FAT1: variants seen among roughly 807,000 people sequenced by gnomAD.
FAT1 encodes the protein FAT atypical cadherin 1.
Under a neutral mutation model 329.8 loss-of-function variants are expected in FAT1, and 171 were observed. The ratio of observed to expected loss-of-function variants is 0.52; its 90% CI spans 0.46 to 0.59. FAT1 has a LOEUF of 0.59. Among genes scored for constraint, FAT1 ranks in the 20% least tolerant of loss-of-function variants. The pLI is 0.00. For missense variants in FAT1, 5,672 were observed against 5,774.4 expected (o/e 0.98, Z 0.57); for synonymous variants, 2,233 against 2,228.6 (o/e 1.00, Z -0.06).
At chr4:186,713,025 T>C (rs1745040199) in intron 1 of FAT1, among the ~76,000 whole-genome samples, 1 of 151,898 alleles carries the variant, frequency 6.6e-6, no homozygotes, top group Non-Finnish European at 1.5e-5. Flanking sequence ...GCTTTTAGAC[T>C]TACAGAAAAG....
chr4:186,696,932 G>A (rs1744066348), intron 2 of FAT1, among the ~76,000 whole-genome samples: 1 of 152,170 alleles, frequency 6.6e-6, no homozygotes, highest in Non-Finnish European at 1.5e-5. Flanking sequence ...GCTGAGGCAG[G>A]AGAATCACTT....
chr4:186,649,560 A>G (rs1307971262), intron 3 of FAT1, among the ~76,000 whole-genome samples: 1 of 152,150 alleles, frequency 6.6e-6, no homozygotes, highest in African/African-American at 2.4e-5. Flanking sequence ...TGAGTCAGAG[A>G]CCCAGGGAAG....
Position 186,613,251 on chromosome 4 carries a change from G to A in FAT1, c.9321C>T (p.Cys3107=), listed in dbSNP as rs545693220. The part of the protein sequence containing the change: ...VRATDGGGRF[C]QASIVLTLED... ...CTAGCGTGAGCACAATACTGGCTTG[G>A]CAGAATCTTCCTCCTCCATCTGTGG... Residue 3107 remains cysteine, a synonymous_variant, in exon 13 of 27, where the codon TGC becomes TGT. Transcript: ENST00000441802. 3.4e-5 allele frequency: 55 copies of A among 1,613,780 alleles called. No homozygotes were observed. In the South Asian group the frequency reaches 5.8e-4, roughly 17 times the overall value.
chr4:186,613,534 G>A (rs932745832), intron 12 of FAT1, among the ~76,000 whole-genome samples, 192 bp from the exon 13 acceptor site: 2 of 152,180 alleles, frequency 1.3e-5, no homozygotes, highest in African/African-American at 4.8e-5. Flanking sequence ...ACCCTGCCAG[G>A]GGCTAGCTCT....
intron 20 of FAT1, among the ~76,000 whole-genome samples, chr4:186,602,356 C>A (rs1280105): frequency 2.2e-4 from 34 of 151,844 alleles, no homozygotes; most frequent in Non-Finnish European, 3.8e-4. Context: ...ATCTATACAC[C>A]GTATAGAAAT....
At chr4:186,652,225 G>A (rs1440493306) in intron 3 of FAT1, among the ~76,000 whole-genome samples, 1 of 152,178 alleles carries the variant, frequency 6.6e-6, no homozygotes, top group African/African-American at 2.4e-5. Context: ...ATTGCCTTCA[G>A]TGATCCTATA....
chr4:186,647,775 G>A (rs542216051), intron 3 of FAT1, among the ~76,000 whole-genome samples: 2 of 152,206 alleles, frequency 1.3e-5, no homozygotes, highest in East Asian at 3.9e-4. Context: ...TATTTTTGGT[G>A]GTAAAGGAAG....
rs1740808262 is a variant in FAT1, at chr4:186,636,195, G to A, written c.4013C>T (p.Thr1338Ile). 1 of 1,614,012 alleles carries A rather than the reference G, an allele frequency of 6.2e-7. No individual in the cohort carries two copies. Residue 1338 changes from threonine to isoleucine, a missense_variant, in exon 6 of 27, where the codon ACC becomes ATC. By Grantham distance (89) the Thr-to-Ile change is moderately conservative. Coordinates refer to ENST00000441802, the MANE Select transcript of FAT1 (RefSeq NM_005245.4). Reference sequence around the variant, plus strand: ...GATCCATTCAATATGGAGTCTGGTGGTTGATGACTTTTGAGGGCGACCATT... The same window carrying A: ...GATCCATTCAATATGGAGTCTGGTGATTGATGACTTTTGAGGGCGACCATT... ...VDNGRPQKSS[T>I]TRLHIEWISK...
chr4:186,700,935 G>A (rs1744277173), intron 2 of FAT1, among the ~76,000 whole-genome samples: 1 of 152,154 alleles, frequency 6.6e-6, no homozygotes, highest in Non-Finnish European at 1.5e-5. Flanking sequence ...GACGTAAGCT[G>A]TTTCCACCCC....
At chr4:186,597,321 G>A (rs1738580617) in intron 24 of FAT1, 150 bp from the exon 25 acceptor site, 7 of 820,846 alleles carry the variant, frequency 8.5e-6, no homozygotes, top group Non-Finnish European at 1.1e-5. Context: ...ATGTAACGTC[G>A]ACAACCACGA....
Position 186,709,751 on chromosome 4 carries a change from C to T in FAT1, c.77G>A (p.Arg26Gln), listed in dbSNP as rs75367100. ...AAACTGCAGAGGAGTCTGTTCAAGT[C>T]GTTGGCTGCCATCACTGTCTCCAAA... ...QHFGDSDGSQ[R>Q]LEQTPLQFTH... Residue 26 changes from arginine to glutamine, a missense_variant, in exon 2 of 27, where the codon CGA (arginine) becomes CAA (glutamine). Physicochemically the swap from Arg to Gln is conservative, Grantham distance 43. This residue lies in a region of FAT1 where 3,966 missense variants were observed against 3,915.2 expected (regional missense o/e 1.01). Coordinates refer to ENST00000441802, the MANE Select transcript of FAT1 (RefSeq NM_005245.4). 16,164 of 1,613,312 alleles carry T rather than the reference C, an allele frequency of 0.01. 531 individuals are homozygous for T. Among genetic ancestry groups the T allele is most frequent in the East Asian group, 0.089 (3,998 of 44,860 alleles).
Position 186,628,766 on chromosome 4 carries a change from G to T in FAT1, c.4324-3C>A, listed in dbSNP as rs1173282469. On this transcript the variant is annotated splice_region_variant and splice_polypyrimidine_tract_variant and intron_variant, in intron 7 of 26. Coordinates refer to ENST00000441802, the MANE Select transcript of FAT1 (RefSeq NM_005245.4). ...GTGTCTATTACTTTGATGAATACCTGTAATGGATGACAAAATGACTCATAC... is the reference window on the plus strand; with the variant it reads ...GTGTCTATTACTTTGATGAATACCTTTAATGGATGACAAAATGACTCATAC... The T allele has an allele frequency of 1.9e-6, 3 of 1,609,694 alleles. No individual in the cohort carries two copies. The South Asian group carries it at 3.3e-5, about 18-fold the overall frequency.
chr4:186,658,753 A>C lies in FAT1; in HGVS notation c.3580+4546T>G, dbSNP rs141116179. Among the ~76,000 whole-genome samples the C allele has an allele frequency of 4.8e-4, 73 of 152,160 alleles. No individual in the cohort carries two copies. The East Asian group carries it at 0.013, about 27-fold the overall frequency. On this transcript the variant is annotated intron_variant, in intron 3 of 26. Transcript: ENST00000441802. ...TCAATCTATTGTTACCATCTTCACA[A>C]TCAGCCCAGTACCCGTTCCAAGGGG...
rs1166577710 is a variant in FAT1, at chr4:186,588,639, C to A, written c.13720G>T (p.Glu4574Ter). Residue 4574 changes from glutamate to a stop codon, truncating the protein, a stop_gained, in exon 27 of 27, where the codon GAG becomes TAG. Transcript: ENST00000441802. LOFTEE classifies it high-confidence loss of function. ...YESGDDGHFE[E>*]VTIPPLDSQQ... ...GAATCCAGGGGCGGGATCGTCACCT[C>A]TTCGAAGTGGCCGTCGTCCCCGCTC... 6.2e-7 allele frequency: 1 copy of A among 1,613,866 alleles called. No homozygotes were observed.
intron 2 of FAT1, among the ~76,000 whole-genome samples, chr4:186,681,697 T>G (rs1743213842): frequency 6.6e-6 from 1 of 152,212 alleles, no homozygotes; most frequent in Admixed American, 6.5e-5. Context: ...ATTTTTAACC[T>G]GAAACAGTAT....
At chr4:186,635,310 TA>T (rs5865002) in intron 6 of FAT1, among the ~76,000 whole-genome samples, 10 of 151,442 alleles carry the variant, frequency 6.6e-5, no homozygotes, top group Admixed American at 3.9e-4. Context: ...GAGGAAACAA[TA>T]AAAAAAAATC....
intron 25 of FAT1, among the ~76,000 whole-genome samples, 155 bp from the exon 26 acceptor site, chr4:186,595,981 AACGAAGAAATAAAAAACCCCTGC>A (rs1317468863): frequency 6.6e-6 from 1 of 152,092 alleles, no homozygotes; most frequent in Non-Finnish European, 1.5e-5. Flanking sequence ...TACAAACTCA[AACGAAGAAATAAAAAACCCCTGC>A]ACAGAAAGAC....
chr4:186,668,853 T>C (rs1372387492), intron 2 of FAT1, among the ~76,000 whole-genome samples: 2 of 152,160 alleles, frequency 1.3e-5, no homozygotes, highest in Non-Finnish European at 2.9e-5. Flanking sequence ...ACTAAAGACA[T>C]CCAGTCATCA....
intron 2 of FAT1, among the ~76,000 whole-genome samples, chr4:186,675,502 G>C (rs1441645067): frequency 6.6e-6 from 1 of 152,022 alleles, no homozygotes; most frequent in African/African-American, 2.4e-5. Flanking sequence ...GCTCATGCCT[G>C]TAATTTCTCC....
Sources: allele counts gnomAD v4.1 joint callset (sites outside exome capture counted in the v4.1 genomes callset), GRCh38; gene constraint gnomAD v4.1.1; regional missense constraint gnomAD v4.1.1; transcripts MANE v1.5; gene names NCBI Gene and HGNC (gene_info 2026-07-23, HGNC 2026-07-21).